Variants in TUBD1 observed in about 807,000 individuals in gnomAD.
TUBD1 encodes tubulin delta 1.
Under a neutral mutation model 51.2 loss-of-function variants are expected in TUBD1, and 38 were observed. The observed-to-expected ratio is 0.74, with a 90% CI of 0.57 to 0.97. The LOEUF is 0.97. Among genes scored for constraint, TUBD1 ranks in the 50% least tolerant of loss-of-function variants. The pLI is 0.00. For missense variants in TUBD1, 489 were observed against 538.4 expected (o/e 0.91, Z 0.91); for synonymous variants, 169 against 178.2 (o/e 0.95, Z 0.41).
intron 8 of TUBD1, among the ~76,000 whole-genome samples, chr17:59,860,695 GACT>G (rs932525316): frequency 3.2e-4 from 48 of 151,144 alleles, no homozygotes; most frequent in Admixed American, 2.2e-3. Flanking sequence ...CAAGCGATTC[GACT>G]ACCTCAGCCT....
chr17:59,863,468 G>A (rs1489313429), intron 8 of TUBD1, among the ~76,000 whole-genome samples, 196 bp downstream of exon 8: 1 of 152,030 alleles, frequency 6.6e-6, no homozygotes, highest in African/African-American at 2.4e-5. Flanking sequence ...AATTAGCTGG[G>A]TGTGGTGGTA....
Position 59,885,475 on chromosome 17 carries a change from T to C in TUBD1, c.320+608A>G, listed in dbSNP as rs2040680238. 4.4e-6 allele frequency: 7 copies of C among 1,574,584 alleles called. No homozygotes were observed. In the Admixed American group the frequency reaches 1.0e-4, roughly 23 times the overall value. On this transcript the variant is annotated intron_variant, in intron 3 of 8. Transcript: ENST00000325752. The stretch of plus-strand genomic sequence containing the variant: ...CTACCAGCCCGTGGGACCAAAGCAG[T>C]ATCCTTACAATAATCTGTACCTGGA...
intron 2 of TUBD1, among the ~76,000 whole-genome samples, chr17:59,889,245 CT>C (rs943759854): frequency 4.0e-5 from 6 of 151,156 alleles, no homozygotes; most frequent in Non-Finnish European, 8.8e-5. Flanking sequence ...AACTCCTGAC[CT>C]CAAGTGATCT....
At chr17:59,883,452 G>A (rs1304715341) in intron 3 of TUBD1, among the ~76,000 whole-genome samples, 1 of 151,966 alleles carries the variant, frequency 6.6e-6, no homozygotes, top group Non-Finnish European at 1.5e-5. Flanking sequence ...TTTTTTAGTA[G>A]AAACAGGGTT....
At chr17:59,876,567 G>C (rs1360160220) in intron 5 of TUBD1, among the ~76,000 whole-genome samples, 2 of 151,774 alleles carry the variant, frequency 1.3e-5, no homozygotes, top group African/African-American at 2.4e-5. Flanking sequence ...ATGTTACTTA[G>C]GCTAGTCTCG....
intron 2 of TUBD1, among the ~76,000 whole-genome samples, chr17:59,890,401 GC>G (rs1444795352): frequency 1.3e-5 from 2 of 152,068 alleles, no homozygotes; most frequent in African/African-American, 4.8e-5. Flanking sequence ...ATGCCACCAC[GC>G]CCAGCTAATT....
intron 6 of TUBD1, among the ~76,000 whole-genome samples, chr17:59,870,372 CAAAAAAAAAAAAAAA>C (rs530315478): frequency 1.3e-5 from 1 of 77,968 alleles, no homozygotes; most frequent in Non-Finnish European, 2.6e-5. Context: ...CTCCATCTCA[CAAAAAAAAAAAAAAA>C]AAAAAAAAAA....
chr17:59,862,714 ATTTTTTTTTTTTTTT>A (rs71145582), intron 8 of TUBD1, among the ~76,000 whole-genome samples: 6 of 56,974 alleles, frequency 1.1e-4, no homozygotes, highest in African/African-American at 3.4e-4. Context: ...TAATTTTTGT[ATTTTTTTTTTTTTTT>A]TTTTTTTTTT....
rs137918725 is a variant in TUBD1 at position 59,860,178 on chromosome 17, G to T, written c.*144C>A. 2.2e-3 allele frequency: 1,318 copies of T among 594,840 alleles called. 22 individuals carry two copies. The East Asian group carries it at 0.037, about 17-fold the overall frequency. The allele number at this position is 594,840 out of a possible 1,614,324, so 36.8% of individuals were successfully genotyped here. ...CTACAGGCACCCGCCACCGCGCCTG[G>T]CTAATTTTTTGTATTTTCTGGTAGA... On this transcript the variant is annotated 3_prime_UTR_variant, in exon 9 of 9. Transcript: ENST00000325752.
intron 6 of TUBD1, 27 bp from the exon 7 acceptor site, chr17:59,866,776 GTTTTA>G (rs1568284033): frequency 4.5e-6 from 7 of 1,570,572 alleles, no homozygotes; most frequent in East Asian, 4.5e-5. Context: ...AAAGCAAGAG[GTTTTA>G]TTTTATTTAC....
intron 6 of TUBD1, among the ~76,000 whole-genome samples, chr17:59,873,135 ATT>A (rs2040072434): frequency 1.3e-5 from 2 of 152,264 alleles, no homozygotes; most frequent in South Asian, 4.1e-4. Context: ...ATGGAGGCAA[ATT>A]GTAGATGAAA....
rs1375466745 is a variant in TUBD1 at position 59,886,232 on chromosome 17, T to C, written c.173-2A>G. ...CAAGAACAGCCCGGGCAATTGGAAC[T>C]AGAGGGGGAAAAAAACCCAAAAACA... On this transcript the variant is annotated splice_acceptor_variant, in intron 2 of 8. Transcript: ENST00000325752. LOFTEE classifies it high-confidence loss of function. 6.3e-7 allele frequency: 1 copy of C among 1,597,478 alleles called. No homozygotes were observed. The highest frequency in any genetic ancestry group is 1.4e-5 in the African/African-American group (1 of 73,152).
intron 4 of TUBD1, among the ~76,000 whole-genome samples, chr17:59,879,885 TG>T (rs952563942): frequency 4.6e-5 from 7 of 151,958 alleles, no homozygotes; most frequent in Non-Finnish European, 1.0e-4. Context: ...TCCAGGTACC[TG>T]GGACTACAGG....
At chr17:59,869,652 C>T (rs754738979) in intron 6 of TUBD1, among the ~76,000 whole-genome samples, 2 of 152,028 alleles carry the variant, frequency 1.3e-5, no homozygotes, top group Non-Finnish European at 2.9e-5. Context: ...AAAACAGGTA[C>T]TATGGCCAAA....
At position 59,875,268 on chromosome 17, in the gene TUBD1, G is replaced by C. The variant is rs559447689; in HGVS notation, c.770-565C>G. Among the ~76,000 whole-genome samples, 16 of 151,058 alleles carry C rather than the reference G, an allele frequency of 1.1e-4. No homozygotes were observed. In the East Asian group the frequency reaches 1.2e-3, roughly 11 times the overall value. On this transcript the variant is annotated intron_variant, in intron 5 of 8. Transcript: ENST00000325752. Reference sequence around the variant, plus strand: ...ACTTTTTGTACTTTAGTAGAGATGAGGTTTCACCATGGTGGCCAGGATGGT... The same window carrying C: ...ACTTTTTGTACTTTAGTAGAGATGACGTTTCACCATGGTGGCCAGGATGGT...
intron 5 of TUBD1, among the ~76,000 whole-genome samples, chr17:59,876,895 G>A (rs550168295): frequency 2.3e-4 from 34 of 149,208 alleles, no homozygotes; most frequent in South Asian, 4.2e-4. Flanking sequence ...ATGGAGTCTC[G>A]CTGTCGCCCA....
At chr17:59,889,790 C>CAAAA (rs995921023) in intron 2 of TUBD1, among the ~76,000 whole-genome samples, 1 of 151,222 alleles carries the variant, frequency 6.6e-6, no homozygotes, top group Admixed American at 6.6e-5. Context: ...GCCAACATGG[C>CAAAA]AAAACCCTGT....
In TUBD1 at chr17:59,866,625, C is replaced by T; in HGVS notation, c.1059G>A (p.Val353=). Residue 353 remains valine (V), a synonymous_variant, in exon 7 of 9, where the codon GTG becomes GTA. Transcript: ENST00000325752. ...ANLVILRGKD[V]QSADVEGFKD... Reference sequence around the variant, plus strand: ...ATTTCTTACCCACATCTGCACTTTGCACATCTTTCCCACGAAGAATGACCA... The same window carrying T: ...ATTTCTTACCCACATCTGCACTTTGTACATCTTTCCCACGAAGAATGACCA... 2 of 1,613,882 alleles carry T rather than the reference C, an allele frequency of 1.2e-6. No individual in the cohort carries two copies. Among genetic ancestry groups the T allele is most frequent in the Non-Finnish European group, 1.7e-6 (2 of 1,179,964 alleles).
rs2144537894 is a variant in TUBD1, at chr17:59,881,050, C to A, written c.381G>T (p.Val127=). Residue 127 remains valine (V), a synonymous_variant, in exon 4 of 9, where the codon GTG becomes GTT. Transcript: ENST00000325752. ...ESIMNIIRKE[V]EKCDSFSGFF... ...AACCACTGAAAGAGTCACATTTCTCCACTTCCTTCCGGATTATGTTCATTA... is the reference window on the plus strand; with the variant it reads ...AACCACTGAAAGAGTCACATTTCTCAACTTCCTTCCGGATTATGTTCATTA... The A allele has an allele frequency of 6.2e-7, 1 of 1,614,140 alleles. No homozygotes were observed. Among genetic ancestry groups the A allele is most frequent in the Non-Finnish European group, 8.5e-7 (1 of 1,180,040 alleles).
Sources: allele counts gnomAD v4.1 joint callset (sites outside exome capture counted in the v4.1 genomes callset), GRCh38; gene constraint gnomAD v4.1.1; transcripts MANE v1.5; gene names NCBI Gene and HGNC (gene_info 2026-07-23, HGNC 2026-07-21).